TSEN34: variants seen among roughly 807,000 people sequenced by gnomAD.
The protein encoded by TSEN34 is tRNA-splicing endonuclease subunit Sen34.
In TSEN34, 25 loss-of-function variants were observed where a neutral mutation model predicts 30.2. The observed-to-expected ratio is 0.83, with a 90% CI of 0.60 to 1.16. The LOEUF (loss-of-function observed/expected upper bound fraction) is 1.16. Ranked by LOEUF, TSEN34 falls within the 50% of genes most tolerant of loss-of-function variation. The pLI is 0.00. For synonymous variants in TSEN34, 209 were observed against 177.4 expected (o/e 1.18, Z -1.41); for missense variants, 475 against 411.9 (o/e 1.15, Z -1.33).
At chr19:54,190,854 G>C (rs573422201), upstream of TSEN34, 8 of 1,049,688 alleles carry the variant, frequency 7.6e-6, no homozygotes, top group East Asian at 5.3e-4. Context: ...AGGAGCGAAG[G>C]CTCGAGCGTC....
At chr19:54,190,007 G>C (rs1204148690), upstream of TSEN34, 5 of 495,952 alleles carry the variant, frequency 1.0e-5, no homozygotes, top group South Asian at 7.5e-5. Flanking sequence ...GAGTCAACAG[G>C]TTCGCCAGAC....
rs976316250 is a variant in TSEN34, at chr19:54,193,165, C to T, written c.746-10C>T. The T allele has an allele frequency of 5.6e-6, 9 of 1,612,872 alleles. No homozygotes were observed. Among genetic ancestry groups the T allele is most frequent in the African/African-American group, 2.7e-5 (2 of 74,862 alleles). On this transcript the variant is annotated splice_polypyrimidine_tract_variant and intron_variant, in intron 3 of 3. Coordinates refer to ENST00000396388, the MANE Select transcript of TSEN34 (RefSeq NM_001077446.4). ...TGGTCACTGCTTCAGTGCCTCTCTC[C>T]TTCCCCCAGGTGACCCCCTCCGCTT...
upstream of TSEN34, chr19:54,191,258 C>G (rs931578727): frequency 3.3e-6 from 5 of 1,519,262 alleles, no homozygotes; most frequent in African/African-American, 7.0e-5. Context: ...CCCCTGAGGC[C>G]TAGGGGCGGG....
At position 54,193,466 on chromosome 19, in the gene TSEN34, C is replaced by T. The variant is rs753728393; in HGVS notation, c.*104C>T. Reference sequence around the variant, plus strand: ...TAGAACATCCTCCTACCTTTCTCCGCGGTTAGTTTTTGATTCCAGGTTTTC... The same window carrying T: ...TAGAACATCCTCCTACCTTTCTCCGTGGTTAGTTTTTGATTCCAGGTTTTC... On this transcript the variant is annotated 3_prime_UTR_variant, in exon 4 of 4. Coordinates refer to ENST00000396388, the MANE Select transcript of TSEN34 (RefSeq NM_001077446.4). 2.1e-5 allele frequency: 33 copies of T among 1,568,430 alleles called. No homozygotes were observed. The highest frequency in any genetic ancestry group is 9.5e-5 in the Admixed American group (5 of 52,492).
chr19:54,190,778 T>G, upstream of TSEN34: 1 of 1,136,690 alleles, frequency 8.8e-7, no homozygotes, highest in Non-Finnish European at 1.1e-6. Context: ...GGGGGCAGGG[T>G]TTTGTACTGT....
chr19:54,192,093 C>G, intron 2 of TSEN34, 23 bp from the exon 3 acceptor site: 1 of 1,614,192 alleles, frequency 6.2e-7, no homozygotes, highest in Non-Finnish European at 8.5e-7. Flanking sequence ...ATTTACCAAA[C>G]TCTTCTCTGT....
chr19:54,190,360 A>G (rs115290127), upstream of TSEN34: 1,034 of 1,525,256 alleles, frequency 6.8e-4, 7 homozygotes, highest in African/African-American at 0.013. Context: ...ACTGCGAATT[A>G]CTGTTTATGA....
chr19:54,191,471 T>A lies in TSEN34; in HGVS notation c.107T>A (p.Leu36Gln), dbSNP rs1370112727. ...LGVGGRTVGALPRGPRQNSRL... is the reference protein window; with the variant it reads ...LGVGGRTVGAQPRGPRQNSRL... ...GTGGGGGGCCGCACGGTAGGCGCCC[T>A]GCCCCGCGGGCCCCGCCAGAACTCG... is the stretch of plus-strand genomic sequence containing the variant. Residue 36 changes from leucine to glutamine, a missense_variant, in exon 1 of 4, where the codon CTG becomes CAG. Physicochemically the swap from Leu to Gln is moderately radical, Grantham distance 113 (BLOSUM62 -2). Transcript: ENST00000396388. The A allele has an allele frequency of 6.5e-7, 1 of 1,550,144 alleles. No homozygotes were observed. The highest frequency in any genetic ancestry group is 2.4e-5 in the East Asian group (1 of 41,194).
At position 54,193,761 on chromosome 19, in the gene TSEN34, G is replaced by T. The variant is rs1046424686; in HGVS notation, c.*399G>T. 9 of 702,374 alleles carry T rather than the reference G, an allele frequency of 1.3e-5. No individual in the cohort carries two copies. Among genetic ancestry groups the T allele is most frequent in the Admixed American group, 2.1e-5 (1 of 48,660 alleles). 43.5% of individuals were successfully genotyped at this position (702,374 alleles called of 1,614,324 possible). On this transcript the variant is annotated 3_prime_UTR_variant, in exon 4 of 4. Transcript: ENST00000396388. ...AGGCCTGGAGGAGGGGGACTGACTT[G>T]CCCAAAGTCACACACTTAGTAAATA...
At chr19:54,190,187 G>C (rs1166751804), upstream of TSEN34, 2 of 607,688 alleles carry the variant, frequency 3.3e-6, no homozygotes, top group Non-Finnish European at 5.8e-6. Context: ...GCGGAGCCAA[G>C]GTGGCCCCCG....
upstream of TSEN34, chr19:54,190,813 G>A: frequency 9.3e-7 from 1 of 1,078,370 alleles, no homozygotes; most frequent in Non-Finnish European, 1.1e-6. Context: ...GAGGAGGTCC[G>A]AAAGCCGAAT....
upstream of TSEN34, chr19:54,190,525 G>T: frequency 2.3e-6 from 3 of 1,318,334 alleles, no homozygotes; most frequent in Non-Finnish European, 2.9e-6. Flanking sequence ...TTCGGTCGTA[G>T]GGCGGGAACT....
chr19:54,189,586 C>G (rs2076577322), upstream of TSEN34: 1 of 152,638 alleles, frequency 6.6e-6, no homozygotes, highest in African/African-American at 2.4e-5. Flanking sequence ...ACACTGGGAT[C>G]CGAGCTCCGA....
upstream of TSEN34, chr19:54,190,943 C>G: frequency 9.5e-7 from 1 of 1,056,868 alleles, no homozygotes; most frequent in Non-Finnish European, 1.1e-6. Flanking sequence ...AGGGGGACGC[C>G]CACTTTGCAA....
chr19:54,191,256 G>T (rs920089221), upstream of TSEN34: 3 of 1,527,320 alleles, frequency 2.0e-6, no homozygotes, highest in African/African-American at 1.4e-5. Flanking sequence ...GCCCCCTGAG[G>T]CCTAGGGGCG....
chr19:54,190,404 A>G, upstream of TSEN34: 6 of 1,482,920 alleles, frequency 4.0e-6, no homozygotes, highest in Non-Finnish European at 5.4e-6. Flanking sequence ...GGACAGTGGG[A>G]CATTCTGAAG....
chr19:54,193,087 G>A, intron 3 of TSEN34, 88 bp from the exon 4 acceptor site: 1 of 1,581,248 alleles, frequency 6.3e-7, no homozygotes, highest in Non-Finnish European at 8.6e-7. Flanking sequence ...TGGCTGAAAT[G>A]ATCTCAGATC....
At chr19:54,191,300 G>A (rs915538468), upstream of TSEN34, 1 of 1,545,408 alleles carries the variant, frequency 6.5e-7, no homozygotes, top group East Asian at 2.5e-5. Context: ...CTTTGGGTGC[G>A]CTGCAGCGGT....
In TSEN34 at chr19:54,194,248, G is replaced by A. The variant is rs1338314759; in HGVS notation, c.*886G>A. On this transcript the variant is annotated 3_prime_UTR_variant, in exon 4 of 4. Coordinates refer to ENST00000396388, the MANE Select transcript of TSEN34 (RefSeq NM_001077446.4). ...GTGTATATATATATATATTATGAAA[G>A]GAAATGAGTATTGTAATTTTAGGAG... 1.3e-5 allele frequency: 2 copies of A among 151,628 alleles called. No homozygotes were observed. Among genetic ancestry groups the A allele is most frequent in the Admixed American group, 6.6e-5 (1 of 15,182 alleles). 9.4% of individuals were successfully genotyped at this position (151,628 alleles called of 1,614,324 possible).
Sources: allele counts gnomAD v4.1 joint callset, GRCh38; gene constraint gnomAD v4.1.1; transcripts MANE v1.5; gene names NCBI Gene and HGNC (gene_info 2026-07-23, HGNC 2026-07-21).